The following MIB1 variants were observed in gnomAD, a reference collection of about 807,000 sequenced individuals.
MIB1 encodes the protein MIB E3 ubiquitin protein ligase 1, also known as E3 ubiquitin-protein ligase MIB1.
In MIB1, 278 loss-of-function variants were observed where a neutral mutation model predicts 124.5. The observed-to-expected ratio is 2.23, with a 90% CI of 2.02 to 2.47. MIB1 has a LOEUF of 2.47. Ranked by LOEUF, MIB1 falls within the 30% of genes most tolerant of loss-of-function variation. MIB1 has a pLI of 0.00. For synonymous variants in MIB1, 446 were observed against 429.4 expected (o/e 1.04, Z -0.48); for missense variants, 957 against 1,254.4 (o/e 0.76, Z 3.58).
At chr18:21,792,261 A>G (rs969179306) in intron 7 of MIB1, among the ~76,000 whole-genome samples, 1 of 151,932 alleles carries the variant, frequency 6.6e-6, no homozygotes, top group African/African-American at 2.4e-5. Context: ...CCAGCCTCTC[A>G]GTTCCTGTCC....
chr18:21,821,140 T>C (rs2041874216), intron 12 of MIB1, among the ~76,000 whole-genome samples: 1 of 152,226 alleles, frequency 6.6e-6, no homozygotes, highest in Admixed American at 6.5e-5. Context: ...TCACCACATT[T>C]ACCTAGACTA....
intron 13 of MIB1, among the ~76,000 whole-genome samples, chr18:21,840,627 GTATATATA>G (rs57360671): frequency 5.8e-4 from 64 of 110,588 alleles, no homozygotes; most frequent in African/African-American, 2.4e-3. Flanking sequence ...CATCTCTACT[GTATATATA>G]TATATATATA....
At chr18:21,778,602 A>T (rs1446064523) in intron 5 of MIB1, among the ~76,000 whole-genome samples, 3 of 152,088 alleles carry the variant, frequency 2.0e-5, no homozygotes, top group Non-Finnish European at 4.4e-5. Flanking sequence ...TTAAAATAAA[A>T]AAAAGGGAAC....
intron 19 of MIB1, 60 bp from the exon 20 acceptor site, chr18:21,858,486 T>G: frequency 1.3e-6 from 1 of 797,782 alleles, no homozygotes; most frequent in Non-Finnish European, 2.1e-6. Flanking sequence ...TATTTTATTT[T>G]ATAAATGTCA....
At chr18:21,745,011 A>G (rs2040896434) in intron 1 of MIB1, among the ~76,000 whole-genome samples, 1 of 152,244 alleles carries the variant, frequency 6.6e-6, no homozygotes, top group African/African-American at 2.4e-5. Context: ...CTATTTGAGC[A>G]CATAGAAGCT....
chr18:21,842,705 G>T (rs941257757), intron 13 of MIB1, among the ~76,000 whole-genome samples: 3 of 152,134 alleles, frequency 2.0e-5, no homozygotes, highest in Non-Finnish European at 4.4e-5. Context: ...TATGCAGCAA[G>T]GGGAAGTGAA....
upstream of MIB1, among the ~76,000 whole-genome samples, chr18:21,738,747 C>A (rs1427629919): frequency 7.7e-6 from 1 of 129,638 alleles, no homozygotes; most frequent in African/African-American, 2.8e-5. Flanking sequence ...ATGGAGCTTG[C>A]AGTGAGCTGA....
Position 21,835,840 on chromosome 18 carries a change from A to AC in MIB1, c.1830-2525_1830-2524insC, listed in dbSNP as rs1555695330. ...ACACACACACACACACACACACACA[A>AC]ACACACACGAGGAGTATTGGGAAAG... On this transcript the variant is annotated intron_variant, in intron 12 of 20. Coordinates refer to ENST00000261537, the MANE Select transcript of MIB1 (RefSeq NM_020774.4). Among the ~76,000 whole-genome samples the AC allele has an allele frequency of 2.2e-4, 24 of 108,056 alleles. 1 individual carries two copies. Among genetic ancestry groups the AC allele is most frequent in the African/African-American group, 6.1e-4 (17 of 27,958 alleles). The allele number at this position is 108,056 out of a possible 152,430, so 70.9% of individuals were successfully genotyped here. A position where few individuals can be genotyped will look rare whatever the true frequency, so the allele number is the denominator to read the frequency against.
chr18:21,715,392 C>T (rs1216821003), intron 1 of MIB1, among the ~76,000 whole-genome samples: 2 of 152,142 alleles, frequency 1.3e-5, no homozygotes, highest in Admixed American at 6.6e-5. Context: ...TTCCCTCTGA[C>T]AGAGTCTACC....
At chr18:21,712,809 C>A (rs2040671463) in intron 1 of MIB1, among the ~76,000 whole-genome samples, 1 of 152,150 alleles carries the variant, frequency 6.6e-6, no homozygotes, top group Admixed American at 6.5e-5. Context: ...TTGTTTGAAG[C>A]TGCTAAGTTG....
intron 17 of MIB1, 57 bp from the exon 18 acceptor site, chr18:21,853,083 A>T: frequency 1.7e-6 from 2 of 1,147,838 alleles, no homozygotes; most frequent in Non-Finnish European, 2.6e-6. Flanking sequence ...TGAACTTGTT[A>T]AGAGTTACTA....
chr18:21,819,415 T>G, intron 11 of MIB1, 80 bp from the exon 12 acceptor site: 1 of 834,014 alleles, frequency 1.2e-6, no homozygotes, highest in Non-Finnish European at 1.8e-6. Flanking sequence ...TGCTTCTGTT[T>G]GCTTAGCATT....
At chr18:21,775,620 T>C (rs991016142) in intron 4 of MIB1, among the ~76,000 whole-genome samples, 1 of 152,260 alleles carries the variant, frequency 6.6e-6, no homozygotes, top group African/African-American at 2.4e-5. Context: ...TATTATTGTA[T>C]ATAGCAGTGA....
intron 6 of MIB1, among the ~76,000 whole-genome samples, chr18:21,790,795 T>C (rs1463164270): frequency 6.6e-6 from 1 of 152,248 alleles, no homozygotes; most frequent in African/African-American, 2.4e-5. Context: ...ATTACTTTTA[T>C]AACAGTTTTG....
intron 1 of MIB1, among the ~76,000 whole-genome samples, chr18:21,721,692 CTG>C (rs1162813277): frequency 4.6e-5 from 7 of 152,038 alleles, no homozygotes; most frequent in African/African-American, 1.4e-4. Flanking sequence ...TGTAATAAAA[CTG>C]TAGCTTGTGG....
chr18:21,821,744 T>A (rs2041880720), intron 12 of MIB1, among the ~76,000 whole-genome samples: 1 of 151,518 alleles, frequency 6.6e-6, no homozygotes, highest in Admixed American at 6.6e-5. Flanking sequence ...GACTACAGGC[T>A]CCCACCACCA....
intron 3 of MIB1, among the ~76,000 whole-genome samples, chr18:21,770,058 G>A (rs1431408356): frequency 6.6e-6 from 1 of 152,086 alleles, no homozygotes; most frequent in Non-Finnish European, 1.5e-5. Flanking sequence ...ACAAAAATTA[G>A]CCAGGCATGG....
chr18:21,806,095 G>T (rs954966001), intron 10 of MIB1, among the ~76,000 whole-genome samples: 1 of 151,562 alleles, frequency 6.6e-6, no homozygotes, highest in Admixed American at 6.6e-5. Context: ...TAGAGTTGGG[G>T]TTTCGCCATG....
Position 21,824,865 on chromosome 18 carries a change from G to A in MIB1, c.1829+5219G>A, listed in dbSNP as rs1423944265. Among the ~76,000 whole-genome samples, 5 of 151,838 alleles carry A rather than the reference G, an allele frequency of 3.3e-5. No homozygotes were observed. In the East Asian group the frequency reaches 5.8e-4, roughly 18 times the overall value. On this transcript the variant is annotated intron_variant, in intron 12 of 20. Coordinates refer to ENST00000261537, the MANE Select transcript of MIB1 (RefSeq NM_020774.4). The stretch of plus-strand genomic sequence containing the variant: ...ATTGCAATCATTAAGAAAATTATAC[G>A]GATGTTAGAGTAATTGTCACTTTTT...
Sources: gnomAD v4.1 joint callset for allele counts (sites outside exome capture counted in the v4.1 genomes callset) on GRCh38, gnomAD v4.1.1 for gene constraint, MANE v1.5 for transcripts, NCBI Gene and HGNC (gene_info 2026-07-23, HGNC 2026-07-21) for gene names.